Variants in RIF1 observed in about 807,000 individuals in gnomAD.
The protein encoded by RIF1 is replication timing regulatory factor 1, also known as telomere-associated protein RIF1.
Under a neutral mutation model 247.1 loss-of-function variants are expected in RIF1, and 45 were observed. The ratio of observed to expected loss-of-function variants is 0.18; its 90% CI spans 0.14 to 0.23. The LOEUF is 0.23. Ranked by LOEUF, RIF1 falls within the 10% of genes least tolerant of loss-of-function variation. The pLI is 1.00. For synonymous variants in RIF1, 1,087 were observed against 978.8 expected (o/e 1.11, Z -2.06); for missense variants, 2,967 against 2,862.5 (o/e 1.04, Z -0.83).
In RIF1 at chr2:151,455,173, A is replaced by G. The variant is rs116863822; in HGVS notation, c.2609+14A>G. The G allele has an allele frequency of 1.7e-3, 2,618 of 1,586,012 alleles. 38 individuals are homozygous for G. The East Asian group carries it at 0.033, about 20-fold the overall frequency. The stretch of plus-strand genomic sequence containing the variant: ...TGAAAACTCAAAGTAAGTATTTTGG[A>G]CTAAGTAGCTTTGAATTAAATGTAT... On this transcript the variant is annotated intron_variant, in intron 22 of 35. Coordinates refer to ENST00000444746, the MANE Select transcript of RIF1 (RefSeq NM_018151.5).
chr2:151,438,171 T>C (rs892464686), intron 13 of RIF1, among the ~76,000 whole-genome samples: 1 of 152,194 alleles, frequency 6.6e-6, no homozygotes, highest in South Asian at 2.1e-4. Context: ...TAACATGTTA[T>C]AGTTGTTTTA....
In RIF1 at chr2:151,503,297, G is replaced by A. The variant is rs759091588; in HGVS notation, c.*861+112G>A. The stretch of plus-strand genomic sequence containing the variant: ...CTTTCTTTAAAAAAGATGGGTTATT[G>A]TGGTAAATTTTTTATGGGAAATAGT... On this transcript the variant is annotated intron_variant and NMD_transcript_variant, in intron 12 of 13. Coordinates refer to the RIF1 transcript ENST00000454583. 6.8e-6 allele frequency: 9 copies of A among 1,313,952 alleles called. No individual in the cohort carries two copies. The East Asian group carries it at 6.9e-5, about 10-fold the overall frequency. The allele number at this position is 1,313,952 out of a possible 1,614,324, so 81.4% of individuals were successfully genotyped here. A position where few individuals can be genotyped will look rare whatever the true frequency, so the allele number is the denominator to read the frequency against.
chr2:151,425,425 C>T (rs1558945853), intron 8 of RIF1, among the ~76,000 whole-genome samples: 1 of 151,980 alleles, frequency 6.6e-6, no homozygotes, highest in East Asian at 1.9e-4. Context: ...ATTGCTAGTA[C>T]TTGACATCAT....
At position 151,468,754 on chromosome 2, in the gene RIF1, G is replaced by A. The variant is rs369485193; in HGVS notation, c.6939G>A (p.Met2313Ile). 2 of 1,600,526 alleles carry A rather than the reference G, an allele frequency of 1.2e-6. No individual in the cohort carries two copies. The highest frequency in any genetic ancestry group is 2.7e-5 in the African/African-American group (2 of 74,652). Residue 2313 changes from methionine (M) to isoleucine (I), a missense_variant and splice_region_variant, in exon 33 of 36, where the codon ATG (methionine) becomes ATA (isoleucine). Met to Ile is a conservative substitution (Grantham distance 10, BLOSUM62 1). Transcript: ENST00000444746. ...DIILPQITSN[M>I]WARGLGQLIR... ...TTTTACCTCAGATTACATCAAACAT[G>A]TGGTAAGTGGTTATTTAGGCTTCTT...
downstream of RIF1, chr2:151,512,895 G>T: frequency 8.3e-7 from 1 of 1,209,458 alleles, no homozygotes; most frequent in Non-Finnish European, 1.2e-6. Context: ...ACAGTTGTTG[G>T]CTTGATTTGA....
At chr2:151,446,253 C>A (rs1693251164) in intron 19 of RIF1, among the ~76,000 whole-genome samples, 173 bp from the exon 20 acceptor site, 1 of 152,188 alleles carries the variant, frequency 6.6e-6, no homozygotes, top group Non-Finnish European at 1.5e-5. Flanking sequence ...CCAACCTCGG[C>A]CTCCCAGAGT....
chr2:151,452,920 CA>C (rs1694576568), intron 21 of RIF1, among the ~76,000 whole-genome samples: 1 of 152,124 alleles, frequency 6.6e-6, no homozygotes, highest in Non-Finnish European at 1.5e-5. Flanking sequence ...AAAACAGAGC[CA>C]GAGTTCTCTT....
At chr2:151,472,840 G>T (rs1403567763) in intron 34 of RIF1, among the ~76,000 whole-genome samples, 3 of 151,972 alleles carry the variant, frequency 2.0e-5, no homozygotes, top group African/African-American at 7.3e-5. Context: ...CTCTTTTTTT[G>T]TTGTGTCTCT....
At chr2:151,534,416 T>C in the RIF1 span, 1 of 1,007,638 alleles carries the variant, frequency 9.9e-7, no homozygotes. Flanking sequence ...GAACATGTCA[T>C]CTCTAGTGGC....
chr2:151,432,198 T>TC (rs1321206284), intron 9 of RIF1, among the ~76,000 whole-genome samples: 1 of 152,064 alleles, frequency 6.6e-6, no homozygotes, highest in South Asian at 2.1e-4. Flanking sequence ...TTAGTAGAGG[T>TC]AGGATTTCAC....
At chr2:151,533,962 C>T in the RIF1 span, among the ~76,000 whole-genome samples, 1 of 152,180 alleles carries the variant, frequency 6.6e-6, no homozygotes, top group Non-Finnish European at 1.5e-5. Flanking sequence ...AACAGGTTCT[C>T]CAGAAGAGTA....
At chr2:151,494,523 C>T (rs760955607) in intron 9 of RIF1, among the ~76,000 whole-genome samples, 7 of 152,132 alleles carry the variant, frequency 4.6e-5, no homozygotes, top group Admixed American at 6.5e-5. Context: ...ATCATTTTAC[C>T]GCTAGTCTCT....
rs1342318018 is a variant in RIF1, at chr2:151,480,009, C to A, written c.*4938C>A. 1 of 152,062 alleles carries A rather than the reference C, an allele frequency of 6.6e-6. No homozygotes were observed. Among genetic ancestry groups the A allele is most frequent in the African/African-American group, 2.4e-5 (1 of 41,386 alleles). The allele number at this position is 152,062 out of a possible 1,614,324, so 9.4% of individuals were successfully genotyped here. A position where few individuals can be genotyped will look rare whatever the true frequency, so the allele number is the denominator to read the frequency against. ...ATCTATAAATATTTAATATAGTAGT[C>A]TAAACAGTTGTGAGAATTTACTCAG... On this transcript the variant is annotated 3_prime_UTR_variant, in exon 36 of 36. Transcript: ENST00000444746.
At chr2:151,484,604 A>G (rs16830088), downstream of RIF1, among the ~76,000 whole-genome samples, 1,146 of 152,324 alleles carry the variant, frequency 7.5e-3, 18 homozygotes, top group African/African-American at 0.026. Context: ...TCCAAACAAA[A>G]AAATGGCTCA....
intron 7 of RIF1, among the ~76,000 whole-genome samples, chr2:151,421,864 C>T (rs527353522): frequency 3.4e-5 from 5 of 147,388 alleles, no homozygotes; most frequent in South Asian, 2.1e-4. Context: ...GAGACAGTTT[C>T]GCAATTGTTG....
the RIF1 span, among the ~76,000 whole-genome samples, chr2:151,531,304 CTTTCTTT>C: frequency 8.6e-6 from 1 of 116,678 alleles, no homozygotes; most frequent in Non-Finnish European, 1.8e-5. Context: ...CTCTTTTTTT[CTTTCTTT>C]TTTTTTTTTT....
intron 10 of RIF1, chr2:151,498,215 A>G: frequency 6.5e-7 from 1 of 1,550,112 alleles, no homozygotes; most frequent in Non-Finnish European, 8.7e-7. Flanking sequence ...GATCAGTTTA[A>G]TTCTGAAGTT....
At position 151,446,574 on chromosome 2, in the gene RIF1, C is replaced by A; in HGVS notation, c.2243C>A (p.Ser748Tyr). Residue 748 changes from serine (S) to tyrosine (Y), a missense_variant and splice_region_variant, in exon 20 of 36, where the codon TCT becomes TAT. Transcript: ENST00000444746. ...TCCAGTTTGGAAGATGAAGGCTTTT[C>A]TGTGAGTTTGTCCTGATGCTACCTT... ...IMSSLEDEGFSNLLFVDRIIY... is the reference protein window; with the variant it reads ...IMSSLEDEGFYNLLFVDRIIY... 1 of 1,612,064 alleles carries A rather than the reference C, an allele frequency of 6.2e-7. No individual in the cohort carries two copies. The highest frequency in any genetic ancestry group is 8.5e-7 in the Non-Finnish European group (1 of 1,179,638).
intron 20 of RIF1, among the ~76,000 whole-genome samples, chr2:151,449,345 AC>A (rs905169213): frequency 7.9e-5 from 12 of 152,170 alleles, no homozygotes; most frequent in African/African-American, 2.9e-4. Flanking sequence ...GGCAATAGTG[AC>A]CTCTTAGAAT....
Sources: gnomAD v4.1 joint callset for allele counts (sites outside exome capture counted in the v4.1 genomes callset) on GRCh38, gnomAD v4.1.1 for gene constraint, MANE v1.5 for transcripts, NCBI Gene and HGNC (gene_info 2026-07-23, HGNC 2026-07-21) for gene names.